Variants in ATP2A3 observed in about 807,000 individuals in gnomAD.
ATP2A3 encodes ATPase sarcoplasmic/endoplasmic reticulum Ca2+ transporting 3, also known as sarcoplasmic/endoplasmic reticulum calcium ATPase 3.
ATP2A3 carries 61 observed loss-of-function variants against 106.8 expected under a neutral mutation model. That is an observed-to-expected ratio of 0.57 (90% CI 0.46 to 0.71). The LOEUF is 0.71. Ranked by LOEUF, ATP2A3 falls within the 30% of genes least tolerant of loss-of-function variation. The pLI is 0.00. For synonymous variants in ATP2A3, 611 were observed against 609.3 expected (o/e 1.00, Z -0.04); for missense variants, 1,201 against 1,423.5 (o/e 0.84, Z 2.52).
chr17:3,929,227 C>T lies in ATP2A3; in HGVS notation c.2862+101G>A. On this transcript the variant is annotated intron_variant, in intron 19 of 20. Coordinates refer to ENST00000397041, the MANE Select transcript of ATP2A3 (RefSeq NM_005173.4). This position sits in a 1 kb window ranked among gnomAD's most constrained non-coding sequence, Gnocchi z 4.3. ...GCCAGACCTCTCACCTCCCTCTCCT[C>T]CAGGTAGTTTCCATTGCAGGGGGGC... The T allele has an allele frequency of 8.9e-7, 1 of 1,126,406 alleles. No homozygotes were observed. The highest frequency in any genetic ancestry group is 1.5e-5 in the South Asian group (1 of 68,720). 69.8% of individuals were successfully genotyped at this position (1,126,406 alleles called of 1,614,324 possible). A position where few individuals can be genotyped will look rare whatever the true frequency, so the allele number is the denominator to read the frequency against.
At position 3,926,758 on chromosome 17, in the gene ATP2A3, T is replaced by C. The variant is rs371229819; in HGVS notation, c.2981-1317A>G. 4.5e-5 allele frequency: 29 copies of C among 647,512 alleles called. No individual in the cohort carries two copies. Among genetic ancestry groups the C allele is most frequent in the East Asian group, 2.8e-4 (2 of 7,234 alleles). 40.1% of individuals were successfully genotyped at this position (647,512 alleles called of 1,614,324 possible). A position where few individuals can be genotyped will look rare whatever the true frequency, so the allele number is the denominator to read the frequency against. On this transcript the variant is annotated intron_variant, in intron 20 of 20. Coordinates refer to ENST00000397041, the MANE Select transcript of ATP2A3 (RefSeq NM_005173.4). This position sits in a 1 kb window ranked among gnomAD's most constrained non-coding sequence, Gnocchi z 4.6. Reference sequence around the variant, plus strand: ...CTAATTTTTGTATCTTTAGTAGAGATGGGGTTTCACCATGTTGGCCAGGCT... The same window carrying C: ...CTAATTTTTGTATCTTTAGTAGAGACGGGGTTTCACCATGTTGGCCAGGCT...
rs1021554812 is a variant in ATP2A3, at chr17:3,942,713, G to C, written c.1438C>G (p.Arg480Gly). ...ACNTVIKQLMRKEFTLEFSRD... is the reference protein window; with the variant it reads ...ACNTVIKQLMGKEFTLEFSRD... Reference sequence around the variant, plus strand: ...GAGAACTCCAGGGTGAACTCCTTCCGCATCAGCTGCTTGATGACCTGCGGG... The same window carrying C: ...GAGAACTCCAGGGTGAACTCCTTCCCCATCAGCTGCTTGATGACCTGCGGG... Residue 480 changes from arginine (R) to glycine (G), a missense_variant, in exon 12 of 21, where the codon CGG (arginine) becomes GGG (glycine). Arg to Gly is a moderately radical substitution (Grantham distance 125). Around this residue, in one of 2 missense-constraint regions of ATP2A3, gnomAD observed 935 missense variants for 1,176.7 expected, o/e 0.79. Coordinates refer to ENST00000397041, the MANE Select transcript of ATP2A3 (RefSeq NM_005173.4). The C allele has an allele frequency of 1.9e-6, 3 of 1,613,226 alleles. No individual in the cohort carries two copies. The highest frequency in any genetic ancestry group is 1.7e-6 in the Non-Finnish European group (2 of 1,179,886).
chr17:3,957,646 G>A (rs1364707672), intron 1 of ATP2A3, among the ~76,000 whole-genome samples: 1 of 152,222 alleles, frequency 6.6e-6, no homozygotes, highest in East Asian at 1.9e-4. Context: ...GAGCCCCAGG[G>A]TGATGGAGGG....
At position 3,960,769 on chromosome 17, in the gene ATP2A3, T is replaced by A. The variant is rs191043870; in HGVS notation, c.118+3405A>T. ...AGGCAGCAGAGAACCAGCCGTTCAG[T>A]CGGCACAACTGCACAGAGAAGTTTA... On this transcript the variant is annotated intron_variant, in intron 1 of 20. Coordinates refer to ENST00000397041, the MANE Select transcript of ATP2A3 (RefSeq NM_005173.4). Among the ~76,000 whole-genome samples, 454 of 152,282 alleles carry A rather than the reference T, an allele frequency of 3.0e-3. 3 individuals are homozygous for A. The highest frequency in any genetic ancestry group is 0.01 in the African/African-American group (435 of 41,556).
At position 3,964,192 on chromosome 17, in the gene ATP2A3, C is replaced by T; in HGVS notation, c.100G>A (p.Glu34Lys). 8.0e-7 allele frequency: 1 copy of T among 1,242,974 alleles called. No individual in the cohort carries two copies. The allele number at this position is 1,242,974 out of a possible 1,614,324, so 77.0% of individuals were successfully genotyped here. A position where few individuals can be genotyped will look rare whatever the true frequency, so the allele number is the denominator to read the frequency against. ...LSPAQVTGAR[E>K]RYGPNELPSE... The stretch of plus-strand genomic sequence containing the variant: ...CGCTCACCGTTGGGGCCGTAGCGCT[C>T]CCGCGCGCCGGTCACCTGCGCCGGG... Residue 34 changes from glutamate to lysine, a missense_variant, in exon 1 of 21, where the codon GAG becomes AAG. Glu to Lys is a moderately conservative substitution (Grantham distance 56, BLOSUM62 1). Transcript: ENST00000397041.
intron 1 of ATP2A3, among the ~76,000 whole-genome samples, chr17:3,958,863 TATATATAC>T (rs2054971288): frequency 8.4e-6 from 1 of 118,588 alleles, no homozygotes; most frequent in African/African-American, 3.9e-5. Flanking sequence ...TATATATATA[TATATATAC>T]ACACACACAC....
Position 3,937,634 on chromosome 17 carries a change from A to C in ATP2A3, c.2103T>G (p.Thr701=). 1 of 1,613,252 alleles carries C rather than the reference A, an allele frequency of 6.2e-7. No homozygotes were observed. The part of the protein sequence containing the change: ...LQSFNEITAM[T]GDGVNDAPAL... ...CTGGTGCGTCGTTCACTCCATCGCC[A>C]GTCTGTGGGCCAGGTCAGGTAGGGC... is the stretch of plus-strand genomic sequence containing the variant. Residue 701 remains threonine (T), a splice_region_variant and synonymous_variant, in exon 15 of 21, where the codon ACT becomes ACG. Transcript: ENST00000397041.
Position 3,951,643 on chromosome 17 carries a change from A to G in ATP2A3, c.262T>C (p.Phe88Leu). 1 of 1,610,476 alleles carries G rather than the reference A, an allele frequency of 6.2e-7. No homozygotes were observed. The highest frequency in any genetic ancestry group is 8.5e-7 in the Non-Finnish European group (1 of 1,178,626). ...FEEGEETTTA[F>L]VEPLVIMLIL... Reference sequence around the variant, plus strand: ...AGCATGATGACCAGGGGCTCCACGAAGGCGGTCGTGGTCTCCTCGCCCTCC... The same window carrying G: ...AGCATGATGACCAGGGGCTCCACGAGGGCGGTCGTGGTCTCCTCGCCCTCC... The change falls in exon 4 of 21, where the codon TTC becomes CTC. Residue 88 changes from phenylalanine to leucine, a missense_variant. This residue lies in a region of ATP2A3 where 266 missense variants were observed against 246.8 expected (regional missense o/e 1.08). Transcript: ENST00000397041.
At chr17:3,931,402 G>A (rs567246126) in intron 17 of ATP2A3, among the ~76,000 whole-genome samples, 1 of 152,138 alleles carries the variant, frequency 6.6e-6, no homozygotes, top group African/African-American at 2.4e-5. Flanking sequence ...GGGGGAACTT[G>A]TCTTGTTCTC....
In ATP2A3 at chr17:3,926,856, A is replaced by G; in HGVS notation, c.2981-1415T>C. The G allele has an allele frequency of 1.0e-6, 1 of 985,384 alleles. No individual in the cohort carries two copies. The highest frequency in any genetic ancestry group is 1.2e-6 in the Non-Finnish European group (1 of 829,906). 61.0% of individuals were successfully genotyped at this position (985,384 alleles called of 1,614,324 possible). A position where few individuals can be genotyped will look rare whatever the true frequency, so the allele number is the denominator to read the frequency against. ...AGTGCTGGGATGACAGGTGTGAGCC[A>G]CTGCACCCGGCCCGTTAGTCTCACC... On this transcript the variant is annotated intron_variant, in intron 20 of 20. Coordinates refer to ENST00000397041, the MANE Select transcript of ATP2A3 (RefSeq NM_005173.4). The surrounding 1 kb of genome is among the most constrained non-coding windows in gnomAD (Gnocchi z 4.6).
At position 3,928,541 on chromosome 17, in the gene ATP2A3, G is replaced by T; in HGVS notation, c.2980+122C>A. 2 of 1,037,428 alleles carry T rather than the reference G, an allele frequency of 1.9e-6. No homozygotes were observed. The highest frequency in any genetic ancestry group is 2.9e-6 in the Non-Finnish European group (2 of 687,146). The allele number at this position is 1,037,428 out of a possible 1,614,324, so 64.3% of individuals were successfully genotyped here. On this transcript the variant is annotated intron_variant, in intron 20 of 20. Transcript: ENST00000397041. The surrounding 1 kb of genome is among the most constrained non-coding windows in gnomAD (Gnocchi z 6.1). ...TCACACCCTCCACTTGGTGATCCGA[G>T]AACGCCTCCCCGATGTGCAGACAGA...
rs757637918 is a variant in ATP2A3 at position 3,950,783 on chromosome 17, G to A, written c.464-10C>T. On this transcript the variant is annotated splice_polypyrimidine_tract_variant and intron_variant, in intron 5 of 20. Transcript: ENST00000397041. Reference sequence around the variant, plus strand: ...GGCACTTTGTCCCCCACTGTGCGGGGAGAATGGCTTGGCTGAGGGTGGCTT... The same window carrying A: ...GGCACTTTGTCCCCCACTGTGCGGGAAGAATGGCTTGGCTGAGGGTGGCTT... 1.9e-6 allele frequency: 3 copies of A among 1,612,436 alleles called. No individual in the cohort carries two copies. The highest frequency in any genetic ancestry group is 2.2e-5 in the East Asian group (1 of 44,870).
At position 3,924,646 on chromosome 17, in the gene ATP2A3, C is replaced by T. The variant is rs536662009; in HGVS notation, c.*776G>A. 174 of 410,526 alleles carry T rather than the reference C, an allele frequency of 4.2e-4. No homozygotes were observed. Among genetic ancestry groups the T allele is most frequent in the South Asian group, 1.0e-3 (57 of 57,088 alleles). The allele number at this position is 410,526 out of a possible 1,614,324, so 25.4% of individuals were successfully genotyped here. A position where few individuals can be genotyped will look rare whatever the true frequency, so the allele number is the denominator to read the frequency against. The stretch of plus-strand genomic sequence containing the variant: ...CGGCAGTGTGACTCTGAACATCTCC[C>T]GAGCTCAGGACGGGGAACCCTGAGT... On this transcript the variant is annotated 3_prime_UTR_variant, in exon 21 of 21. Coordinates refer to ENST00000397041, the MANE Select transcript of ATP2A3 (RefSeq NM_005173.4). This position sits in a 1 kb window ranked among gnomAD's most constrained non-coding sequence, Gnocchi z 6.4.
At chr17:3,940,856 T>C (rs2144468324) in intron 14 of ATP2A3, 115 bp downstream of exon 14, 2 of 1,293,042 alleles carry the variant, frequency 1.5e-6, no homozygotes, top group Middle Eastern at 1.9e-4. Flanking sequence ...TTTTTGGTAA[T>C]AAGATGTTAG....
At position 3,925,471 on chromosome 17, in the gene ATP2A3, A is replaced by G. The variant is rs2052652511; in HGVS notation, c.2981-30T>C. Reference sequence around the variant, plus strand: ...AAGAAAAACCCAAGAGCGCGTTAAGATGTATGTGTAAGGGCACACATCCAG... The same window carrying G: ...AAGAAAAACCCAAGAGCGCGTTAAGGTGTATGTGTAAGGGCACACATCCAG... On this transcript the variant is annotated intron_variant, in intron 20 of 20. Coordinates refer to ENST00000397041, the MANE Select transcript of ATP2A3 (RefSeq NM_005173.4). This position sits in a 1 kb window ranked among gnomAD's most constrained non-coding sequence, Gnocchi z 4.2. The G allele has an allele frequency of 1.9e-6, 3 of 1,606,682 alleles. No homozygotes were observed. Among genetic ancestry groups the G allele is most frequent in the African/African-American group, 2.7e-5 (2 of 74,780 alleles).
rs372667517 is a variant in ATP2A3 at position 3,926,170 on chromosome 17, C to T, written c.2981-729G>A. Among the ~76,000 whole-genome samples the T allele has an allele frequency of 6.6e-6, 1 of 152,168 alleles. No individual in the cohort carries two copies. The highest frequency in any genetic ancestry group is 2.1e-4 in the South Asian group (1 of 4,836). On this transcript the variant is annotated intron_variant, in intron 20 of 20. Transcript: ENST00000397041. This position sits in a 1 kb window ranked among gnomAD's most constrained non-coding sequence, Gnocchi z 4.6. Reference sequence around the variant, plus strand: ...AGAATTCTCCCCAGGACACATCCCTCGTAAATGACATAAATCACGGGGAAG... The same window carrying T: ...AGAATTCTCCCCAGGACACATCCCTTGTAAATGACATAAATCACGGGGAAG...
Position 3,929,506 on chromosome 17 carries a change from A to AC in ATP2A3, c.2745-62dup. On this transcript the variant is annotated intron_variant, in intron 18 of 20. Coordinates refer to ENST00000397041, the MANE Select transcript of ATP2A3 (RefSeq NM_005173.4). This position sits in a 1 kb window ranked among gnomAD's most constrained non-coding sequence, Gnocchi z 4.3. Reference sequence around the variant, plus strand: ...TGCAGGGAGGCCCTGCCAGGCACCCACCCCCATGGGAGGAGCCTCACCACT... The same window carrying AC: ...TGCAGGGAGGCCCTGCCAGGCACCCACCCCCCATGGGAGGAGCCTCACCACT... 5 of 1,397,636 alleles carry AC rather than the reference A, an allele frequency of 3.6e-6. No individual in the cohort carries two copies. The highest frequency in any genetic ancestry group is 4.9e-6 in the Non-Finnish European group (5 of 1,011,092). 86.6% of individuals were successfully genotyped at this position (1,397,636 alleles called of 1,614,324 possible).
At position 3,930,659 on chromosome 17, in the gene ATP2A3, C is replaced by G. The variant is rs1041088379; in HGVS notation, c.2611-225G>C. 1.3e-5 allele frequency: 8 copies of G among 626,722 alleles called. No individual in the cohort carries two copies. The highest frequency in any genetic ancestry group is 2.5e-5 in the Admixed American group (1 of 40,454). 38.8% of individuals were successfully genotyped at this position (626,722 alleles called of 1,614,324 possible). On this transcript the variant is annotated intron_variant, in intron 17 of 20. Coordinates refer to ENST00000397041, the MANE Select transcript of ATP2A3 (RefSeq NM_005173.4). The surrounding 1 kb of genome is among the most constrained non-coding windows in gnomAD (Gnocchi z 5.4). ...AAGCAAGGGCACAGCGTGGGAAAGG[C>G]AGACGTTCTGGAGCAGGAGTGCAGC...
Position 3,946,527 on chromosome 17 carries a change from C to T in ATP2A3, c.1095+864G>A, listed in dbSNP as rs375399209. ...CTCAGATCATGCCACTGCACTTCAG[C>T]CTAGACAACAAACAGAATGAGACTC... On this transcript the variant is annotated intron_variant, in intron 8 of 20. Transcript: ENST00000397041. 3.3e-5 allele frequency among the ~76,000 whole-genome samples: 5 copies of T among 152,164 alleles called. No homozygotes were observed. The East Asian group carries it at 9.6e-4, about 29-fold the overall frequency.
Sources: allele counts gnomAD v4.1 joint callset (sites outside exome capture counted in the v4.1 genomes callset), GRCh38; gene constraint gnomAD v4.1.1; regional missense constraint gnomAD v4.1.1; non-coding constraint Gnocchi (gnomAD v3.1); transcripts MANE v1.5; gene names NCBI Gene and HGNC (gene_info 2026-07-23, HGNC 2026-07-21).